The following CCDC157 variants were observed in gnomAD, a reference collection of about 807,000 sequenced individuals.
The protein encoded by CCDC157 is coiled-coil domain-containing protein 157.
In CCDC157, 60 loss-of-function variants were observed where a neutral mutation model predicts 70.9. The ratio of observed to expected loss-of-function variants is 0.85; its 90% confidence interval spans 0.69 to 1.05. CCDC157 has a LOEUF of 1.05. Among genes scored for constraint, CCDC157 ranks in the 50% least tolerant of loss-of-function variants. The pLI is 0.00. For missense variants in CCDC157, 943 were observed against 984.2 expected, an observed-to-expected ratio of 0.96 and a Z score of 0.56; for synonymous variants, 373 against 422.4, an observed-to-expected ratio of 0.88 and a Z score of 1.43.
Position 30,370,412 on chromosome 22 carries a change from G to C in CCDC157, c.507G>C (p.Lys169Asn). 1.9e-6 allele frequency: 3 copies of C among 1,614,102 alleles called. No individual in the cohort carries two copies. Among genetic ancestry groups the C allele is most frequent in the Non-Finnish European group, 1.7e-6 (2 of 1,180,038 alleles). Residue 169 changes from lysine (K) to asparagine (N), a missense_variant, in exon 5 of 12, where the codon AAG (lysine) becomes AAC (asparagine). By Grantham distance (94) the Lys-to-Asn change is moderately conservative. Coordinates refer to ENST00000338306, the MANE Select transcript of CCDC157 (RefSeq NM_001017437.5). ...PARSPEYLTT[K>N]LIKPSSPVLG... ...GGAGCCCTGAATATCTGACTACCAA[G>C]TTAATCAAGCCCTCCTCCCCAGTGC...
rs1931924716 is a variant in CCDC157, at chr22:30,357,043, T to G, written c.-255T>G. 2 of 372,462 alleles carry G rather than the reference T, an allele frequency of 5.4e-6. No individual in the cohort carries two copies. Among genetic ancestry groups the G allele is most frequent in the Non-Finnish European group, 9.5e-6 (2 of 209,674 alleles). 23.1% of individuals were successfully genotyped at this position (372,462 alleles called of 1,614,324 possible). On this transcript the variant is annotated 5_prime_UTR_variant, in exon 1 of 12. Coordinates refer to ENST00000338306, the MANE Select transcript of CCDC157 (RefSeq NM_001017437.5). ...AGCGGCCTGAGCGCCCGGCTAGGGC[T>G]TTTCGGGGATCCCGGTGGCCGCAGG...
intron 9 of CCDC157, chr22:30,374,877 T>C: frequency 2.6e-6 from 1 of 377,386 alleles, no homozygotes; most frequent in Non-Finnish European, 5.2e-6. Context: ...CTTGGACAGC[T>C]CACTTTGGCT....
In CCDC157 at chr22:30,370,969, A is replaced by C; in HGVS notation, c.1045+19A>C. ...CTCACAGGTCTGTGCCCCAGAGGCC[A>C]GACGCCTGGTGCCCAGGGGCTCTGC... On this transcript the variant is annotated intron_variant, in intron 5 of 11. Coordinates refer to ENST00000338306, the MANE Select transcript of CCDC157 (RefSeq NM_001017437.5). The C allele has an allele frequency of 6.3e-7, 1 of 1,594,786 alleles. No individual in the cohort carries two copies. The highest frequency in any genetic ancestry group is 1.3e-5 in the African/African-American group (1 of 74,764).
Position 30,366,036 on chromosome 22 carries a change from G to A in CCDC157, c.36G>A (p.Glu12=). 2 of 1,603,722 alleles carry A rather than the reference G, an allele frequency of 1.2e-6. No homozygotes were observed. The highest frequency in any genetic ancestry group is 1.7e-6 in the Non-Finnish European group (2 of 1,179,606). ...TGCTGGGCAGCCAGGCCTGCATGGA[G>A]AGCCTGCGCACAGACCTCACCGACC... The part of the protein sequence containing the change: ...AHLLGSQACM[E]SLRTDLTDLQ... Residue 12 remains glutamate, a synonymous_variant, in exon 3 of 12, where the codon GAG becomes GAA. Coordinates refer to ENST00000338306, the MANE Select transcript of CCDC157 (RefSeq NM_001017437.5).
At chr22:30,367,361 A>G (rs1287524708) in intron 3 of CCDC157, among the ~76,000 whole-genome samples, 7 of 151,836 alleles carry the variant, frequency 4.6e-5, no homozygotes, top group Non-Finnish European at 1.5e-5. Flanking sequence ...TCAGCCTCCA[A>G]AGTAGCTGGG....
intron 3 of CCDC157, among the ~76,000 whole-genome samples, chr22:30,368,496 C>T (rs189317252): frequency 2.0e-5 from 3 of 152,356 alleles, no homozygotes; most frequent in Non-Finnish European, 4.4e-5. Context: ...TCTCCCGCTG[C>T]GAGGGTCGGT....
intron 3 of CCDC157, chr22:30,366,758 A>T (rs1164329468): frequency 5.5e-6 from 1 of 182,764 alleles, no homozygotes. Context: ...CTAAGCTATC[A>T]TTAAAGTTAA....
chr22:30,366,176 A>G lies in CCDC157; in HGVS notation c.176A>G (p.Tyr59Cys). 1 of 1,613,682 alleles carries G rather than the reference A, an allele frequency of 6.2e-7. No homozygotes were observed. The highest frequency in any genetic ancestry group is 8.5e-7 in the Non-Finnish European group (1 of 1,179,908). Residue 59 changes from tyrosine to cysteine, a missense_variant, in exon 3 of 12, where the codon TAT (tyrosine) becomes TGT (cysteine). Tyr to Cys is a radical substitution (Grantham distance 194). Transcript: ENST00000338306. ...GACATGGTGGCCCTGCTGGAGCACT[A>G]TGACCATGTTCCGGGTGACCCCGAG... ...DLDMVALLEH[Y>C]DHVPGDPEFT... is the part of the protein sequence containing the mutation.
chr22:30,369,470 A>G lies in CCDC157; in HGVS notation c.287A>G (p.Glu96Gly). 4 of 1,564,934 alleles carry G rather than the reference A, an allele frequency of 2.6e-6. No homozygotes were observed. Among genetic ancestry groups the G allele is most frequent in the Non-Finnish European group, 3.5e-6 (4 of 1,153,988 alleles). ...CTTCAAAGCTGTATGAGCTACTTGG[A>G]GAACCTTGGCTCAGAGCAGATGATG... ...LLLQSCMSYL[E>G]NLGSEQMMPP... Residue 96 changes from glutamate to glycine, a missense_variant, in exon 4 of 12, where the codon GAG becomes GGG. Physicochemically the swap from Glu to Gly is moderately conservative, Grantham distance 98. Coordinates refer to ENST00000338306, the MANE Select transcript of CCDC157 (RefSeq NM_001017437.5).
intron 7 of CCDC157, chr22:30,372,535 C>T (rs1463514233): frequency 2.2e-6 from 1 of 450,590 alleles, no homozygotes; most frequent in Non-Finnish European, 3.9e-6. Flanking sequence ...CAAAGATGAG[C>T]AGGTGTGCCA....
In CCDC157 at chr22:30,372,251, A is replaced by G. The variant is rs765265074; in HGVS notation, c.1300A>G (p.Lys434Glu). The G allele has an allele frequency of 1.3e-6, 2 of 1,594,130 alleles. No homozygotes were observed. Among genetic ancestry groups the G allele is most frequent in the South Asian group, 1.1e-5 (1 of 88,818 alleles). The change falls in exon 7 of 12, where the codon AAG becomes GAG. Residue 434 changes from lysine to glutamate, a missense_variant. Lys to Glu is a moderately conservative substitution (Grantham distance 56). Coordinates refer to ENST00000338306, the MANE Select transcript of CCDC157 (RefSeq NM_001017437.5). Reference protein sequence around the residue: ...CWASTELDKEKARVDSMVRHQ... With the variant: ...CWASTELDKEEARVDSMVRHQ... ...GGCCAGCACGGAGCTGGATAAGGAG[A>G]AGGCCCGTGTCGACAGCATGGTCCG... is the stretch of plus-strand genomic sequence containing the variant.
At chr22:30,372,665 T>G in intron 7 of CCDC157, 3 of 183,934 alleles carry the variant, frequency 1.6e-5, no homozygotes, top group Non-Finnish European at 3.4e-5. Flanking sequence ...AGGCAATTAG[T>G]CCATCAGCCA....
intron 2 of CCDC157, among the ~76,000 whole-genome samples, chr22:30,363,569 C>T (rs1324222242): frequency 6.6e-6 from 1 of 151,496 alleles, no homozygotes. Flanking sequence ...CTGGGATTCT[C>T]TGTATAAAAA....
rs201501105 is a variant in CCDC157 at position 30,371,601 on chromosome 22, G to A, written c.1046-49G>A. 1.2e-4 allele frequency: 175 copies of A among 1,517,368 alleles called. 1 individual carries two copies. The East Asian group carries it at 2.8e-3, about 24-fold the overall frequency. 94.0% of individuals were successfully genotyped at this position (1,517,368 alleles called of 1,614,324 possible). On this transcript the variant is annotated intron_variant, in intron 5 of 11. Transcript: ENST00000338306. Reference sequence around the variant, plus strand: ...GGGCACACTGGGCATGAAGGCCGCCGGCCAGGTCCATGGGACCCTCTGAAG... The same window carrying A: ...GGGCACACTGGGCATGAAGGCCGCCAGCCAGGTCCATGGGACCCTCTGAAG...
chr22:30,369,652 C>T, intron 4 of CCDC157, 49 bp downstream of exon 4: 1 of 1,389,164 alleles, frequency 7.2e-7, no homozygotes, highest in Non-Finnish European at 9.4e-7. Context: ...CCTCTATCTC[C>T]CCACTGTGGT....
chr22:30,356,680 G>C (rs776519912), upstream of CCDC157: 1 of 1,355,926 alleles, frequency 7.4e-7, no homozygotes, highest in Admixed American at 2.7e-5. Flanking sequence ...CGAGTAAGGA[G>C]CGCCCAGGCC....
At chr22:30,356,748 C>G (rs769730264), upstream of CCDC157, 9 of 1,492,708 alleles carry the variant, frequency 6.0e-6, no homozygotes, top group African/African-American at 1.2e-4. Flanking sequence ...GCTCCGTGGG[C>G]ACGGGCGGCG....
In CCDC157 at chr22:30,369,599, C is replaced by T; in HGVS notation, c.416C>T (p.Pro139Leu). Residue 139 changes from proline (P) to leucine (L), a missense_variant, in exon 4 of 12, where the codon CCC (proline) becomes CTC (leucine). Physicochemically the swap from Pro to Leu is moderately conservative, Grantham distance 98 (BLOSUM62 -3). Coordinates refer to ENST00000338306, the MANE Select transcript of CCDC157 (RefSeq NM_001017437.5). ...RLGTLHQQPL[P>L]QKGANQRETP... is the part of the protein sequence containing the mutation. ...GGCACGCTCCACCAGCAGCCACTCC[C>T]CCAGGTGGGTCCCAGCCTCTGTCTC... The T allele has an allele frequency of 6.4e-7, 1 of 1,555,308 alleles. No homozygotes were observed. The highest frequency in any genetic ancestry group is 8.7e-7 in the Non-Finnish European group (1 of 1,153,576).
intron 1 of CCDC157, among the ~76,000 whole-genome samples, chr22:30,358,965 C>T (rs1436984259): frequency 6.6e-6 from 1 of 152,198 alleles, no homozygotes; most frequent in African/African-American, 2.4e-5. Context: ...AACATAAGGT[C>T]ATCTTGGATT....
Sources: gnomAD v4.1 joint callset for allele counts (sites outside exome capture counted in the v4.1 genomes callset) on GRCh38, gnomAD v4.1.1 for gene constraint, MANE v1.5 for transcripts, NCBI Gene and HGNC (gene_info 2026-07-23, HGNC 2026-07-21) for gene names.